The following ZMYND11 variants were observed in gnomAD, a reference collection of about 807,000 sequenced individuals.
The protein encoded by ZMYND11 is zinc finger MYND domain-containing protein 11.
In ZMYND11, 9 loss-of-function variants were observed where a neutral mutation model predicts 84.9. The observed-to-expected ratio is 0.11, with a 90% CI of 0.06 to 0.18. The LOEUF is 0.18. ZMYND11 is among the 10% of genes least tolerant of loss of function. The probability of loss-of-function intolerance (pLI) is 1.00; values close to 1 mark genes in which losing one functional copy is unlikely to be tolerated. For missense variants in ZMYND11, 409 were observed against 761.0 expected (o/e 0.54, Z 5.44); for synonymous variants, 250 against 244.1 (o/e 1.02, Z -0.23).
intron 4 of ZMYND11, among the ~76,000 whole-genome samples, chr10:229,442 C>G (rs1005863312): frequency 1.3e-5 from 2 of 152,096 alleles, no homozygotes; most frequent in African/African-American, 4.8e-5. Context: ...GTTAAAAAAA[C>G]TACTCTCAGT....
rs1453147604 is a variant in ZMYND11, at chr10:238,367, TTTTTTTTGAGACGGAG to T, written c.609+692_609+707del. Among the ~76,000 whole-genome samples, 9 of 152,094 alleles carry T rather than the reference TTTTTTTTGAGACGGAG, an allele frequency of 5.9e-5. No individual in the cohort carries two copies. In the East Asian group the frequency reaches 1.5e-3, roughly 26 times the overall value. Reference sequence around the variant, plus strand: ...ATCATCTTACAAGTTTCTTTTCTTTTTTTTTTTGAGACGGAGTCTCACTCTGTCGCCCAGGCTGGAG... The same window carrying T: ...ATCATCTTACAAGTTTCTTTTCTTTTTCTCACTCTGTCGCCCAGGCTGGAG... On this transcript the variant is annotated intron_variant, in intron 6 of 14. Transcript: ENST00000381604.
At chr10:241,037 A>AAAGATTATAATTTTCTT in intron 9 of ZMYND11, 67 bp downstream of exon 9, 1 of 1,279,094 alleles carries the variant, frequency 7.8e-7, no homozygotes, top group East Asian at 2.3e-5. Flanking sequence ...CAGTTTGGTT[A>AAAGATTATAATTTTCTT]AAGATTATAA....
chr10:149,281 GGTTGTTATT>G (rs1839696694), intron 1 of ZMYND11, among the ~76,000 whole-genome samples: 1 of 111,186 alleles, frequency 9.0e-6, no homozygotes, highest in Non-Finnish European at 1.9e-5. Flanking sequence ...ACACTGAGGT[GGTTGTTATT>G]ATTATTATTA....
intron 2 of ZMYND11, among the ~76,000 whole-genome samples, chr10:183,734 T>C (rs535798629): frequency 6.6e-6 from 1 of 152,344 alleles, no homozygotes; most frequent in Non-Finnish European, 1.5e-5. Context: ...TGCATTTAAT[T>C]ACATTTCATA....
upstream of ZMYND11, among the ~76,000 whole-genome samples, chr10:130,475 GATA>G (rs1384141746): frequency 6.6e-6 from 1 of 152,178 alleles, no homozygotes; most frequent in Non-Finnish European, 1.5e-5. Flanking sequence ...CCATTTTACA[GATA>G]ATAATAATTG....
intron 4 of ZMYND11, among the ~76,000 whole-genome samples, chr10:222,334 C>T (rs1488610447): frequency 6.6e-6 from 1 of 152,122 alleles, no homozygotes; most frequent in Non-Finnish European, 1.5e-5. Context: ...CCTAAGTGTA[C>T]TTAGCCTTGC....
At chr10:238,388 A>G (rs1241432206) in intron 6 of ZMYND11, among the ~76,000 whole-genome samples, 1 of 151,186 alleles carries the variant, frequency 6.6e-6, no homozygotes, top group Non-Finnish European at 1.5e-5. Flanking sequence ...ACGGAGTCTC[A>G]CTCTGTCGCC....
chr10:205,440 A>G (rs999345721), intron 2 of ZMYND11, among the ~76,000 whole-genome samples: 8 of 152,122 alleles, frequency 5.3e-5, no homozygotes, highest in Admixed American at 3.3e-4. Flanking sequence ...CTGTAATCCT[A>G]GCACTTTGAG....
chr10:139,568 T>A (rs974434860), intron 1 of ZMYND11, among the ~76,000 whole-genome samples: 1 of 152,186 alleles, frequency 6.6e-6, no homozygotes, highest in Non-Finnish European at 1.5e-5. Context: ...ACTTTTGAAA[T>A]GTTTAGTAGC....
chr10:165,347 A>G (rs1843750435), intron 1 of ZMYND11, among the ~76,000 whole-genome samples: 1 of 152,048 alleles, frequency 6.6e-6, no homozygotes, highest in Admixed American at 6.6e-5. Flanking sequence ...GGCCTAGGTC[A>G]CTTTCTACCA....
rs1394174813 is a variant in ZMYND11 at position 199,322 on chromosome 10, CCTCCCT to C, written c.117-10563_117-10558del. ...CCCTCCCTCTCTTCCTCCCTCCCTCCCTCCCTCTCTCCCTCCGTCTCTGTCTCTTTC... is the reference window on the plus strand; with the variant it reads ...CCCTCCCTCTCTTCCTCCCTCCCTCCCTCTCCCTCCGTCTCTGTCTCTTTC... On this transcript the variant is annotated intron_variant, in intron 2 of 14. Coordinates refer to ENST00000381604, the MANE Select transcript of ZMYND11 (RefSeq NM_001370100.5). Among the ~76,000 whole-genome samples, 86 of 148,294 alleles carry C rather than the reference CCTCCCT, an allele frequency of 5.8e-4. 1 individual carries two copies. The highest frequency in any genetic ancestry group is 2.1e-3 in the African/African-American group (84 of 40,098).
intron 4 of ZMYND11, among the ~76,000 whole-genome samples, chr10:235,710 C>G (rs565236491): frequency 2.0e-5 from 3 of 152,300 alleles, no homozygotes; most frequent in African/African-American, 4.8e-5. Context: ...GCACAGGCCA[C>G]AAAGCGGCAT....
At chr10:215,561 GTTT>G (rs764307085) in intron 3 of ZMYND11, among the ~76,000 whole-genome samples, 1 of 138,344 alleles carries the variant, frequency 7.2e-6, no homozygotes, top group Non-Finnish European at 1.6e-5. Context: ...TTTGTTTTTT[GTTT>G]TTTTTTTTTT....
At chr10:247,313 C>T (rs1952351050) in intron 11 of ZMYND11, 85 bp from the exon 12 acceptor site, 4 of 1,432,426 alleles carry the variant, frequency 2.8e-6, no homozygotes, top group East Asian at 2.4e-5. Flanking sequence ...ATTCACTTCT[C>T]ACCTGTGGGT....
intron 4 of ZMYND11, among the ~76,000 whole-genome samples, chr10:225,343 GTTTT>G (rs1448106637): frequency 1.3e-5 from 1 of 74,778 alleles, no homozygotes; most frequent in Non-Finnish European, 2.8e-5. Flanking sequence ...TGTTGTCGTT[GTTTT>G]TTTGTTTTTT....
chr10:144,640 CTTTT>C (rs11348115), intron 1 of ZMYND11, among the ~76,000 whole-genome samples: 4 of 110,032 alleles, frequency 3.6e-5, no homozygotes, highest in South Asian at 3.2e-4. Flanking sequence ...GTCTGAATTC[CTTTT>C]TTTTTTTTTT....
intron 1 of ZMYND11, among the ~76,000 whole-genome samples, chr10:178,530 A>C (rs1285309649): frequency 6.6e-6 from 1 of 152,198 alleles, no homozygotes; most frequent in Admixed American, 6.5e-5. Context: ...TAAACAGATA[A>C]ATTTTTGTAC....
chr10:159,830 C>G (rs893999406), intron 1 of ZMYND11, among the ~76,000 whole-genome samples: 5 of 152,084 alleles, frequency 3.3e-5, no homozygotes, highest in African/African-American at 7.2e-5. Context: ...ATATTTTCAT[C>G]TAATACTTGA....
chr10:247,380 C>T lies in ZMYND11; in HGVS notation c.1159-18C>T, dbSNP rs1293228383. The T allele has an allele frequency of 1.2e-6, 2 of 1,613,366 alleles. No individual in the cohort carries two copies. Among genetic ancestry groups the T allele is most frequent in the Admixed American group, 3.3e-5 (2 of 59,992 alleles). Reference sequence around the variant, plus strand: ...TTCTAGTGTCTGGAATAATATATTACTTTTATAATGCCCACAGCTAAAGGT... The same window carrying T: ...TTCTAGTGTCTGGAATAATATATTATTTTTATAATGCCCACAGCTAAAGGT... On this transcript the variant is annotated intron_variant, in intron 11 of 14. Transcript: ENST00000381604.
Sources: gnomAD v4.1 joint callset for allele counts (sites outside exome capture counted in the v4.1 genomes callset) on GRCh38, gnomAD v4.1.1 for gene constraint, MANE v1.5 for transcripts, NCBI Gene and HGNC (gene_info 2026-07-23, HGNC 2026-07-21) for gene names.